The following LRRFIP2 variants were observed in gnomAD, a reference collection of about 807,000 sequenced individuals.
The protein encoded by LRRFIP2 is leucine-rich repeat flightless-interacting protein 2.
A neutral mutation model predicts 125.9 loss-of-function variants in LRRFIP2; 109 were observed. The ratio of observed to expected loss-of-function variants is 0.87; its 90% CI spans 0.74 to 1.01. The LOEUF (loss-of-function observed/expected upper bound fraction) is 1.01. LRRFIP2 is among the 50% of genes least tolerant of loss of function. The probability of loss-of-function intolerance (pLI) is 0.00; values close to 1 mark genes in which losing one functional copy is unlikely to be tolerated. For synonymous variants in LRRFIP2, 291 were observed against 293.1 expected (o/e 0.99, Z 0.07); for missense variants, 850 against 862.3 (o/e 0.99, Z 0.18).
chr3:37,055,902 GT>G (rs2086708854), intron 25 of LRRFIP2, among the ~76,000 whole-genome samples: 1 of 152,168 alleles, frequency 6.6e-6, no homozygotes, highest in South Asian at 2.1e-4. Context: ...TACTGTAAGG[GT>G]CCTTTTCTCC....
At chr3:37,172,344 G>A (rs75746256) in intron 1 of LRRFIP2, among the ~76,000 whole-genome samples, 15 of 152,186 alleles carry the variant, frequency 9.9e-5, no homozygotes, top group Non-Finnish European at 1.8e-4. Context: ...CAAGGCATGC[G>A]GTCTTTTTTA....
At chr3:37,054,089 A>AT (rs1249257862) in intron 27 of LRRFIP2, 128 bp from the exon 28 acceptor site, 4 of 665,202 alleles carry the variant, frequency 6.0e-6, no homozygotes, top group South Asian at 3.5e-5. Context: ...CCACAACCTC[A>AT]TTTTTTCTAT....
At chr3:37,133,736 A>G (rs1212678787) in intron 2 of LRRFIP2, among the ~76,000 whole-genome samples, 2 of 152,188 alleles carry the variant, frequency 1.3e-5, no homozygotes, top group Non-Finnish European at 2.9e-5. Flanking sequence ...CTGCATGACA[A>G]TGCAAATGGA....
At chr3:37,072,951 G>C in intron 20 of LRRFIP2, 69 bp from the exon 21 acceptor site, 4 of 1,008,054 alleles carry the variant, frequency 4.0e-6, no homozygotes, top group Non-Finnish European at 4.5e-6. Flanking sequence ...TTTGAGGGAG[G>C]AAACAAAAAT....
chr3:37,130,972 C>T, intron 2 of LRRFIP2, among the ~76,000 whole-genome samples: 1 of 152,192 alleles, frequency 6.6e-6, no homozygotes, highest in Non-Finnish European at 1.5e-5. Context: ...AGTTTTGCTG[C>T]CGCACCTCAA....
At chr3:37,113,973 G>A (rs965509760) in intron 7 of LRRFIP2, among the ~76,000 whole-genome samples, 3 of 152,146 alleles carry the variant, frequency 2.0e-5, no homozygotes, top group Non-Finnish European at 4.4e-5. Flanking sequence ...ATCTAGGTAC[G>A]TACTACTTGC....
At chr3:37,145,779 A>C (rs2095842696) in intron 2 of LRRFIP2, among the ~76,000 whole-genome samples, 1 of 152,224 alleles carries the variant, frequency 6.6e-6, no homozygotes, top group African/African-American at 2.4e-5. Flanking sequence ...ATTGAGAAAC[A>C]ATCTGGCATA....
In LRRFIP2 at chr3:37,053,951, G is replaced by GCTGTT; in HGVS notation, c.2061_2065dup (p.Ala689GlufsTer12). 6.2e-7 allele frequency: 1 copy of GCTGTT among 1,603,404 alleles called. No homozygotes were observed. Among genetic ancestry groups the GCTGTT allele is most frequent in the East Asian group, 2.2e-5 (1 of 44,836 alleles). ...CTCCATCTCCTCAATCTTGTCCAGT[G>GCTGTT]CTGTTCGTAACTGGAGACAGGGAGA... On this transcript the variant is annotated frameshift_variant, in exon 28 of 28. Transcript: ENST00000336686. LOFTEE classifies it high-confidence loss of function.
intron 16 of LRRFIP2, among the ~76,000 whole-genome samples, chr3:37,095,415 T>C (rs938832685): frequency 6.6e-6 from 1 of 152,206 alleles, no homozygotes; most frequent in African/African-American, 2.4e-5. Flanking sequence ...ATGTAGACTG[T>C]TCTTCCCAAA....
intron 6 of LRRFIP2, 42 bp from the exon 7 acceptor site, chr3:37,115,137 T>G (rs1359913136): frequency 7.0e-7 from 1 of 1,418,524 alleles, no homozygotes; most frequent in African/African-American, 1.4e-5. Context: ...GTTTCCAAAT[T>G]CAGAAATATA....
At chr3:37,055,303 G>A (rs1031907005) in intron 25 of LRRFIP2, 138 bp from the exon 26 acceptor site, 22 of 522,212 alleles carry the variant, frequency 4.2e-5, no homozygotes, top group African/African-American at 1.2e-4. Context: ...GGTGACTCAC[G>A]CCTGTAATCC....
At chr3:37,072,690 CA>C (rs537955551) in intron 21 of LRRFIP2, 99 bp downstream of exon 21, 16 of 690,136 alleles carry the variant, frequency 2.3e-5, no homozygotes, top group Non-Finnish European at 4.0e-5. Context: ...TGTAAATGCT[CA>C]AGAAGAATCA....
chr3:37,129,307 C>T (rs1007371007), intron 2 of LRRFIP2, among the ~76,000 whole-genome samples, 158 bp from the exon 3 acceptor site: 1 of 152,212 alleles, frequency 6.6e-6, no homozygotes, highest in Admixed American at 6.6e-5. Flanking sequence ...TTTTAATCAA[C>T]TCTTATAAAC....
In LRRFIP2 at chr3:37,126,317, A is replaced by T. The variant is rs115289610; in HGVS notation, c.228+1313T>A. 9.1e-3 allele frequency among the ~76,000 whole-genome samples: 1,387 copies of T among 152,230 alleles called. 25 individuals are homozygous for T. The highest frequency in any genetic ancestry group is 0.032 in the African/African-American group (1,324 of 41,538). ...AGTGCTGGGATTACAGGCATGGGCCACTATGCCCAGACCCAAAGAATCAGT... is the reference window on the plus strand; with the variant it reads ...AGTGCTGGGATTACAGGCATGGGCCTCTATGCCCAGACCCAAAGAATCAGT... On this transcript the variant is annotated intron_variant, in intron 4 of 27. Transcript: ENST00000336686.
intron 18 of LRRFIP2, among the ~76,000 whole-genome samples, chr3:37,090,320 C>T (rs954061518): frequency 1.3e-5 from 2 of 152,142 alleles, no homozygotes; most frequent in African/African-American, 4.8e-5. Flanking sequence ...CCTCCACCTT[C>T]CAGGTTCAAG....
At chr3:37,158,766 TA>T (rs542287311) in intron 1 of LRRFIP2, among the ~76,000 whole-genome samples, 13 of 152,154 alleles carry the variant, frequency 8.5e-5, no homozygotes, top group African/African-American at 2.6e-4. Flanking sequence ...TTTTCAATAT[TA>T]AAAAAATGCA....
intron 1 of LRRFIP2, among the ~76,000 whole-genome samples, chr3:37,171,513 C>T (rs1316396696): frequency 6.6e-6 from 1 of 152,082 alleles, no homozygotes; most frequent in Non-Finnish European, 1.5e-5. Flanking sequence ...TCCTCCTGGC[C>T]ACAAGTAACC....
At position 37,103,009 on chromosome 3, in the gene LRRFIP2, GATACCTTTCGGTCAGA is replaced by G. The variant is rs1411294689; in HGVS notation, c.784-12_787del. ...GGAGCGACTGAAATAATCAGCGGCA[GATACCTTTCGGTCAGA>G]AAAAAAACAAGATGCTTTCAAGGTT... is the stretch of plus-strand genomic sequence containing the variant. On this transcript the variant is annotated splice_acceptor_variant and splice_polypyrimidine_tract_variant and coding_sequence_variant and intron_variant, in exon 15 of 28. Coordinates refer to ENST00000336686, the MANE Select transcript of LRRFIP2 (RefSeq NM_006309.4). LOFTEE classifies it high-confidence loss of function. 1 of 1,556,858 alleles carries G rather than the reference GATACCTTTCGGTCAGA, an allele frequency of 6.4e-7. No individual in the cohort carries two copies. Among genetic ancestry groups the G allele is most frequent in the Non-Finnish European group, 8.7e-7 (1 of 1,148,936 alleles).
chr3:37,171,444 A>AT (rs796818067), intron 1 of LRRFIP2, among the ~76,000 whole-genome samples: 32 of 147,596 alleles, frequency 2.2e-4, no homozygotes, highest in East Asian at 7.9e-4. Context: ...TCAGTATGTA[A>AT]TTTTTTTTTT....
Sources: gnomAD v4.1 joint callset for allele counts (sites outside exome capture counted in the v4.1 genomes callset) on GRCh38, gnomAD v4.1.1 for gene constraint, MANE v1.5 for transcripts, NCBI Gene and HGNC (gene_info 2026-07-23, HGNC 2026-07-21) for gene names.